AOPEP: variants seen among roughly 807,000 people sequenced by gnomAD.
AOPEP encodes aminopeptidase O.
A neutral mutation model predicts 98.1 loss-of-function variants in AOPEP; 77 were observed. That is an observed-to-expected ratio of 0.78 (90% CI 0.65 to 0.95). The LOEUF is 0.95. Among genes scored for constraint, AOPEP ranks in the 40% least tolerant of loss-of-function variants. The probability of loss-of-function intolerance (pLI) is 0.00; values close to 1 mark genes in which losing one functional copy is unlikely to be tolerated. For missense variants in AOPEP, 1,024 were observed against 1,024.7 expected (o/e 1.00, Z 0.01); for synonymous variants, 346 against 365.3 (o/e 0.95, Z 0.60).
intron 1 of AOPEP, among the ~76,000 whole-genome samples, chr9:94,748,261 G>A (rs115718988): frequency 0.011 from 1,642 of 152,140 alleles, 34 homozygotes; most frequent in African/African-American, 0.038. Flanking sequence ...TTGTTCCTCT[G>A]TGTGTAATAT....
chr9:95,135,315 A>AT, the AOPEP span: 2 of 1,609,056 alleles, frequency 1.2e-6, no homozygotes, highest in African/African-American at 1.3e-5. Flanking sequence ...TCCTTCAAGG[A>AT]TTTTTCCCTT....
chr9:94,888,722 A>C (rs1290157311), intron 5 of AOPEP, among the ~76,000 whole-genome samples: 2 of 152,074 alleles, frequency 1.3e-5, no homozygotes, highest in Non-Finnish European at 2.9e-5. Context: ...GTTTTTATGG[A>C]CTGGGAAGGG....
chr9:95,103,316 C>T, the AOPEP span, among the ~76,000 whole-genome samples: 8 of 152,314 alleles, frequency 5.3e-5, no homozygotes, highest in Non-Finnish European at 8.8e-5. Context: ...GCCCTGCAGC[C>T]GCCTGGAAAA....
rs763818285 is a variant in AOPEP at position 94,760,627 on chromosome 9, C to T, written c.797+47C>T. 13 of 1,439,332 alleles carry T rather than the reference C, an allele frequency of 9.0e-6. No homozygotes were observed. In the Admixed American group the frequency reaches 9.3e-5, roughly 10 times the overall value. The allele number at this position is 1,439,332 out of a possible 1,614,324, so 89.2% of individuals were successfully genotyped here. On this transcript the variant is annotated intron_variant, in intron 2 of 16. Transcript: ENST00000375315. ...AAGCCCTGTGCCTGTTAATCTTGTA[C>T]GCTGCGGGGATGCTTTCAAACATGA...
chr9:94,885,288 A>G (rs938793771), intron 5 of AOPEP, among the ~76,000 whole-genome samples: 7 of 126,640 alleles, frequency 5.5e-5, no homozygotes, highest in Admixed American at 2.9e-4. Context: ...AGTTGAGGCT[A>G]TAGTGAGCCA....
intron 1 of AOPEP, among the ~76,000 whole-genome samples, chr9:94,756,500 G>A (rs773335748): frequency 2.0e-5 from 3 of 152,206 alleles, no homozygotes; most frequent in Non-Finnish European, 4.4e-5. Context: ...CAACCCTAGG[G>A]ATGTTTGAAT....
chr9:95,007,121 C>G (rs754253398), intron 13 of AOPEP, among the ~76,000 whole-genome samples: 1 of 152,000 alleles, frequency 6.6e-6, no homozygotes, highest in Non-Finnish European at 1.5e-5. Context: ...AGGATGGTCT[C>G]GATCTCCTGA....
intron 1 of AOPEP, among the ~76,000 whole-genome samples, chr9:94,746,812 G>A (rs1034571250): frequency 2.0e-5 from 3 of 152,078 alleles, no homozygotes; most frequent in Non-Finnish European, 4.4e-5. Context: ...CATAGTTCAG[G>A]GTAGACATAT....
At chr9:94,823,810 G>A (rs1333223771) in intron 5 of AOPEP, among the ~76,000 whole-genome samples, 1 of 152,144 alleles carries the variant, frequency 6.6e-6, no homozygotes, top group African/African-American at 2.4e-5. Context: ...ACAGTTATCG[G>A]GTGCTCATTG....
chr9:95,109,740 C>CTGAT, the AOPEP span: 70 of 152,260 alleles, frequency 4.6e-4, 1 homozygote, highest in African/African-American at 1.7e-3. Flanking sequence ...ACGCCACCAG[C>CTGAT]TGATTTAATT....
intron 5 of AOPEP, among the ~76,000 whole-genome samples, chr9:94,890,531 C>A (rs1277054899): frequency 6.6e-6 from 1 of 151,956 alleles, no homozygotes; most frequent in Non-Finnish European, 1.5e-5. Context: ...CTAATCTTTA[C>A]TATTTCCTTC....
intron 13 of AOPEP, among the ~76,000 whole-genome samples, chr9:95,007,004 C>G (rs890611595): frequency 6.6e-6 from 1 of 150,820 alleles, no homozygotes; most frequent in Non-Finnish European, 1.5e-5. Flanking sequence ...CAGGTTCAAG[C>G]TATTCTTCTG....
At chr9:94,875,788 G>A (rs1201847498) in intron 5 of AOPEP, among the ~76,000 whole-genome samples, 2 of 152,190 alleles carry the variant, frequency 1.3e-5, no homozygotes, top group Non-Finnish European at 2.9e-5. Context: ...TAAATTCTGA[G>A]CATGGGCACC....
intron 13 of AOPEP, among the ~76,000 whole-genome samples, chr9:95,059,622 T>C (rs1247670509): frequency 6.6e-6 from 1 of 152,140 alleles, no homozygotes; most frequent in Non-Finnish European, 1.5e-5. Context: ...AAACCAGTAC[T>C]TTTTAAAAAT....
the AOPEP span, among the ~76,000 whole-genome samples, chr9:95,148,541 C>T: frequency 6.6e-6 from 1 of 152,146 alleles, no homozygotes; most frequent in Admixed American, 6.5e-5. Flanking sequence ...AATCTATGTC[C>T]ACCAACATAA....
intron 7 of AOPEP, among the ~76,000 whole-genome samples, chr9:94,943,919 C>CAAAAAAAAAAAAAAAAAAA (rs775807087): frequency 1.1e-4 from 2 of 17,418 alleles, no homozygotes; most frequent in African/African-American, 1.9e-4. Flanking sequence ...GACTCCATCT[C>CAAAAAAAAAAAAAAAAAAA]AAAAAAAAAA....
intron 10 of AOPEP, among the ~76,000 whole-genome samples, chr9:94,969,259 T>G (rs987094173): frequency 2.6e-5 from 4 of 152,122 alleles, no homozygotes; most frequent in African/African-American, 9.7e-5. Context: ...ATTCTCATTT[T>G]TGGAGGTATC....
intron 10 of AOPEP, among the ~76,000 whole-genome samples, chr9:94,968,188 G>A (rs950634961): frequency 6.6e-6 from 1 of 152,162 alleles, no homozygotes; most frequent in African/African-American, 2.4e-5. Context: ...ATGTAGTATA[G>A]TAGTAAGAGC....
intron 5 of AOPEP, among the ~76,000 whole-genome samples, chr9:94,903,507 C>T (rs1450865873): frequency 6.6e-6 from 1 of 151,590 alleles, no homozygotes; most frequent in East Asian, 1.9e-4. Flanking sequence ...AAAATATCAC[C>T]TGCCAGTGCA....
Sources: allele counts gnomAD v4.1 joint callset (sites outside exome capture counted in the v4.1 genomes callset), GRCh38; gene constraint gnomAD v4.1.1; transcripts MANE v1.5; gene names NCBI Gene and HGNC (gene_info 2026-07-23, HGNC 2026-07-21).